The following ADGB variants were observed in gnomAD, a reference collection of about 807,000 sequenced individuals.
ADGB encodes the protein androglobin, also known as calpain-7-like protein.
Under a neutral mutation model 210.5 loss-of-function variants are expected in ADGB, and 172 were observed. The ratio of observed to expected loss-of-function variants is 0.82; its 90% CI spans 0.72 to 0.93. ADGB has a LOEUF of 0.93. ADGB is among the 40% of genes least tolerant of loss of function. The pLI, the probability that ADGB is intolerant of heterozygous loss-of-function variation, is 0.00. For synonymous variants in ADGB, 658 were observed against 662.7 expected, an observed-to-expected ratio of 0.99 and a Z score of 0.11; for missense variants, 2,025 against 1,964.8, an observed-to-expected ratio of 1.03 and a Z score of -0.58.
intron 1 of ADGB, among the ~76,000 whole-genome samples, chr6:146,613,042 T>G (rs1341863530): frequency 1.3e-5 from 2 of 152,258 alleles, no homozygotes; most frequent in Admixed American, 6.5e-5. Flanking sequence ...AATAAAGTAC[T>G]TTGTTTTAAA....
chr6:146,808,069 G>A (rs941957609), intron 35 of ADGB, among the ~76,000 whole-genome samples: 3 of 132,330 alleles, frequency 2.3e-5, no homozygotes, highest in East Asian at 2.4e-4. Context: ...GTGTAATCTC[G>A]GCTCTCTGCA....
In ADGB at chr6:146,685,780, T is replaced by C; in HGVS notation, c.1263T>C (p.Phe421=). 1.9e-6 allele frequency: 3 copies of C among 1,542,554 alleles called. 1 individual carries two copies. Among genetic ancestry groups the C allele is most frequent in the Middle Eastern group, 3.5e-4 (2 of 5,796 alleles). Residue 421 remains phenylalanine, a synonymous_variant, in exon 10 of 36, where the codon TTT becomes TTC. Coordinates refer to ENST00000397944, the MANE Select transcript of ADGB (RefSeq NM_024694.4). ...QTSHMVVYAT[F]TPLYLFENKI... ...CTCATATGGTCGTATATGCGACATTTACACCTCTTTATTTGTTTGAAAACA... is the reference window on the plus strand; with the variant it reads ...CTCATATGGTCGTATATGCGACATTCACACCTCTTTATTTGTTTGAAAACA...
At chr6:146,713,440 G>A (rs117814233) in intron 13 of ADGB, among the ~76,000 whole-genome samples, 2,785 of 152,158 alleles carry the variant, frequency 0.018, 23 homozygotes, top group African/African-American at 0.026. Flanking sequence ...CACCCTAATG[G>A]GCATGAAATG....
At chr6:146,769,258 G>A (rs1319475937) in intron 29 of ADGB, 127 bp downstream of exon 29, 5 of 504,294 alleles carry the variant, frequency 9.9e-6, no homozygotes, top group Non-Finnish European at 1.4e-5. Context: ...ATTATAATTT[G>A]TACTCTATAT....
At chr6:146,700,913 G>A in intron 12 of ADGB, 28 bp from the exon 13 acceptor site, 1 of 1,533,610 alleles carries the variant, frequency 6.5e-7, no homozygotes, top group South Asian at 1.2e-5. Context: ...CAAAATAACA[G>A]AAGTTTGGGG....
chr6:146,692,684 T>A (rs1475237443), intron 11 of ADGB, 141 bp from the exon 12 acceptor site: 7 of 471,250 alleles, frequency 1.5e-5, no homozygotes, highest in Non-Finnish European at 2.2e-5. Flanking sequence ...TATGTATGGT[T>A]TTACATTCCT....
intron 25 of ADGB, among the ~76,000 whole-genome samples, chr6:146,742,791 C>T (rs955789137): frequency 2.0e-5 from 3 of 152,190 alleles, no homozygotes; most frequent in South Asian, 2.1e-4. Context: ...GTCCAACCTG[C>T]GGCCCATAGG....
At chr6:146,782,304 TC>T in intron 30 of ADGB, 112 bp downstream of exon 30, 1 of 1,079,010 alleles carries the variant, frequency 9.3e-7, no homozygotes, top group Non-Finnish European at 1.3e-6. Context: ...TCTCCCTGAT[TC>T]CAGAAACCAT....
intron 1 of ADGB, among the ~76,000 whole-genome samples, chr6:146,599,447 T>G (rs2114818176): frequency 6.6e-6 from 1 of 152,254 alleles, no homozygotes; most frequent in South Asian, 2.1e-4. Flanking sequence ...ATATCTCAAA[T>G]ACTTCTGGTT....
intron 3 of ADGB, among the ~76,000 whole-genome samples, chr6:146,645,772 A>G (rs13205760): frequency 0.31 from 47,134 of 151,880 alleles, 8,146 homozygotes; most frequent in Middle Eastern, 0.41. Context: ...ATGAATCTAA[A>G]TTCAAAGATT....
At chr6:146,616,845 T>A (rs2114836166) in intron 1 of ADGB, among the ~76,000 whole-genome samples, 1 of 152,274 alleles carries the variant, frequency 6.6e-6, no homozygotes, top group Non-Finnish European at 1.5e-5. Flanking sequence ...TTGGTTATTA[T>A]ACTTTTGTAA....
At chr6:146,627,403 G>C (rs879678111) in intron 1 of ADGB, among the ~76,000 whole-genome samples, 2 of 151,982 alleles carry the variant, frequency 1.3e-5, no homozygotes, top group Admixed American at 1.3e-4. Context: ...AAATATTCTT[G>C]AGTTTTGTGC....
At chr6:146,746,849 C>T (rs1281940762) in intron 26 of ADGB, among the ~76,000 whole-genome samples, 5 of 152,150 alleles carry the variant, frequency 3.3e-5, no homozygotes, top group Non-Finnish European at 7.4e-5. Flanking sequence ...TAACAACCAC[C>T]TCCTGATATA....
intron 16 of ADGB, among the ~76,000 whole-genome samples, chr6:146,718,399 GT>G (rs1776767145): frequency 7.2e-6 from 1 of 139,404 alleles, no homozygotes; most frequent in African/African-American, 2.6e-5. Context: ...TATGCTCTAT[GT>G]TTGCCTGGCA....
intron 1 of ADGB, among the ~76,000 whole-genome samples, chr6:146,616,607 A>G (rs1780803140): frequency 2.0e-5 from 3 of 152,104 alleles, no homozygotes; most frequent in African/African-American, 7.2e-5. Context: ...ATCTTTGCAT[A>G]TGGTGAAAGG....
chr6:146,639,984 T>C (rs1306396552), intron 2 of ADGB, among the ~76,000 whole-genome samples: 1 of 151,814 alleles, frequency 6.6e-6, no homozygotes, highest in Non-Finnish European at 1.5e-5. Flanking sequence ...GAGTTGTTTT[T>C]TGAAAAAATT....
chr6:146,638,924 A>T (rs1775468046), intron 2 of ADGB: 1 of 151,212 alleles, frequency 6.6e-6, no homozygotes, highest in African/African-American at 2.4e-5. Context: ...AAAAAAAAAA[A>T]TGCATTTCTC....
At chr6:146,809,323 C>T (rs1167780034) in intron 35 of ADGB, among the ~76,000 whole-genome samples, 1 of 152,212 alleles carries the variant, frequency 6.6e-6, no homozygotes, top group African/African-American at 2.4e-5. Flanking sequence ...TCTCTTGCCT[C>T]AGACTCCTGA....
intron 1 of ADGB, among the ~76,000 whole-genome samples, chr6:146,612,927 A>G (rs1235374154): frequency 6.6e-6 from 1 of 152,090 alleles, no homozygotes; most frequent in Non-Finnish European, 1.5e-5. Context: ...TTCCTTTTCT[A>G]TGTTTATAGT....
Sources: gnomAD v4.1 joint callset for allele counts (sites outside exome capture counted in the v4.1 genomes callset) on GRCh38, gnomAD v4.1.1 for gene constraint, MANE v1.5 for transcripts, NCBI Gene and HGNC (gene_info 2026-07-23, HGNC 2026-07-21) for gene names.